The following PPARGC1A variants were observed in gnomAD, a reference collection of about 807,000 sequenced individuals.
PPARGC1A encodes peroxisome proliferator-activated receptor gamma coactivator 1-alpha.
In PPARGC1A, 25 loss-of-function variants were observed where a neutral mutation model predicts 88.7. The observed-to-expected ratio is 0.28, with a 90% CI of 0.21 to 0.39. The LOEUF is 0.39. PPARGC1A is among the 10% of genes least tolerant of loss of function. The pLI is 1.00. For missense variants in PPARGC1A, 880 were observed against 968.7 expected (o/e 0.91, Z 1.22); for synonymous variants, 363 against 355.6 (o/e 1.02, Z -0.24).
chr4:24,217,334 C>G, the PPARGC1A span, among the ~76,000 whole-genome samples: 1 of 152,194 alleles, frequency 6.6e-6, no homozygotes, highest in East Asian at 1.9e-4. Context: ...CCTTCCTGTC[C>G]TATGGTCTTC....
the PPARGC1A span, among the ~76,000 whole-genome samples, chr4:24,319,983 T>G: frequency 6.6e-6 from 1 of 152,138 alleles, no homozygotes; most frequent in Non-Finnish European, 1.5e-5. Flanking sequence ...GACACAGGTG[T>G]GCCTCACATT....
intron 4 of PPARGC1A, 145 bp downstream of exon 4, chr4:23,829,318 G>A (rs768477685): frequency 3.6e-6 from 3 of 843,890 alleles, no homozygotes; most frequent in African/African-American, 1.7e-5. Flanking sequence ...CGCTGTTTAC[G>A]GAATCCCATT....
At chr4:24,443,983 A>G in the PPARGC1A span, among the ~76,000 whole-genome samples, 1 of 152,232 alleles carries the variant, frequency 6.6e-6, no homozygotes, top group Non-Finnish European at 1.5e-5. Context: ...AGCAAGGAGT[A>G]AAGTTGTTGC....
chr4:24,238,336 G>A, the PPARGC1A span, among the ~76,000 whole-genome samples: 6 of 152,182 alleles, frequency 3.9e-5, no homozygotes, highest in South Asian at 8.3e-4. Flanking sequence ...AGGCTTTGGT[G>A]GGTTGACTCC....
the PPARGC1A span, among the ~76,000 whole-genome samples, chr4:24,154,064 C>T: frequency 2.0e-5 from 3 of 152,144 alleles, no homozygotes; most frequent in African/African-American, 4.8e-5. Flanking sequence ...CCACTTTTCC[C>T]ATGCAGACAC....
the PPARGC1A span, among the ~76,000 whole-genome samples, chr4:24,192,801 A>T: frequency 2.0e-5 from 3 of 152,210 alleles, no homozygotes. Context: ...ATACATAATG[A>T]AATAATTATA....
At chr4:24,304,031 C>G in the PPARGC1A span, among the ~76,000 whole-genome samples, 1 of 152,186 alleles carries the variant, frequency 6.6e-6, no homozygotes, top group African/African-American at 2.4e-5. Flanking sequence ...CCCCACAACT[C>G]CCTTGAAATG....
the PPARGC1A span, among the ~76,000 whole-genome samples, chr4:23,977,881 T>C: frequency 6.6e-6 from 1 of 152,244 alleles, no homozygotes; most frequent in African/African-American, 2.4e-5. Context: ...GACATTTCTG[T>C]ATTATAAGCC....
At chr4:23,944,758 C>T in the PPARGC1A span, among the ~76,000 whole-genome samples, 179 of 152,262 alleles carry the variant, frequency 1.2e-3, no homozygotes, top group African/African-American at 4.0e-3. Context: ...CTTTGCTAGG[C>T]ACTCATTCTT....
chr4:23,915,331 G>C, the PPARGC1A span, among the ~76,000 whole-genome samples: 132,684 of 152,102 alleles, frequency 0.87, 58,492 homozygotes, highest in African/African-American at 0.95. Flanking sequence ...TAGCTGAGTT[G>C]TGAATTGAGC....
chr4:23,809,740 A>G (rs577324642), intron 10 of PPARGC1A, among the ~76,000 whole-genome samples: 144 of 152,312 alleles, frequency 9.5e-4, no homozygotes, highest in African/African-American at 3.2e-3. Context: ...TCTAAATCCA[A>G]TCACACAGTG....
At chr4:24,357,291 C>A in the PPARGC1A span, among the ~76,000 whole-genome samples, 1 of 152,222 alleles carries the variant, frequency 6.6e-6, no homozygotes, top group East Asian at 1.9e-4. Context: ...ACACACAGTA[C>A]TTGTCCAAGG....
chr4:24,334,944 C>G, the PPARGC1A span, among the ~76,000 whole-genome samples: 1 of 152,140 alleles, frequency 6.6e-6, no homozygotes, highest in Non-Finnish European at 1.5e-5. Context: ...CACATCGAGG[C>G]AAGACTAATT....
At chr4:24,130,861 C>T in the PPARGC1A span, among the ~76,000 whole-genome samples, 2 of 152,216 alleles carry the variant, frequency 1.3e-5, no homozygotes, top group Non-Finnish European at 2.9e-5. Context: ...CCACCCTCCA[C>T]TCCAGGCTGA....
the PPARGC1A span, among the ~76,000 whole-genome samples, chr4:24,369,043 T>A: frequency 6.6e-6 from 1 of 152,114 alleles, no homozygotes; most frequent in East Asian, 1.9e-4. Context: ...AGCCACCATT[T>A]CAGAAGGGGA....
At chr4:24,280,840 C>T in the PPARGC1A span, among the ~76,000 whole-genome samples, 3 of 152,214 alleles carry the variant, frequency 2.0e-5, no homozygotes, top group South Asian at 6.2e-4. Context: ...TTCTGGGACA[C>T]ATTTCTCAAC....
rs1718785183 is a variant in PPARGC1A at position 23,897,782 on chromosome 4, G to A, written n.52+1485C>T. On this transcript the variant is annotated intron_variant and non_coding_transcript_variant, in intron 1 of 3. Coordinates refer to the PPARGC1A transcript ENST00000507342. Reference sequence around the variant, plus strand: ...TTTCAACCACAGGTATTGGCTCTGAGAAGATCAGCTTCTTAGAGACCAGCA... The same window carrying A: ...TTTCAACCACAGGTATTGGCTCTGAAAAGATCAGCTTCTTAGAGACCAGCA... 1.3e-5 allele frequency among the ~76,000 whole-genome samples: 2 copies of A among 152,206 alleles called. 1 individual carries two copies. The highest frequency in any genetic ancestry group is 4.1e-4 in the South Asian group (2 of 4,832).
the PPARGC1A span, among the ~76,000 whole-genome samples, chr4:24,454,175 G>A: frequency 6.6e-6 from 1 of 151,552 alleles, no homozygotes; most frequent in East Asian, 2.0e-4. Context: ...GCAATCAACT[G>A]CCAGCTGACT....
At chr4:23,889,217 T>C (rs755211803) in intron 1 of PPARGC1A, 53 of 985,314 alleles carry the variant, frequency 5.4e-5, no homozygotes, top group Admixed American at 6.2e-5. Flanking sequence ...CAGGCAGCTC[T>C]CCGTGGTACA....
Sources: gnomAD v4.1 joint callset for allele counts (sites outside exome capture counted in the v4.1 genomes callset) on GRCh38, gnomAD v4.1.1 for gene constraint, MANE v1.5 for transcripts, NCBI Gene and HGNC (gene_info 2026-07-23, HGNC 2026-07-21) for gene names.